The following THSD7B variants were observed in gnomAD, a reference collection of about 807,000 sequenced individuals.
The protein encoded by THSD7B is thrombospondin type-1 domain-containing protein 7B.
In THSD7B, 138 loss-of-function variants were observed where a neutral mutation model predicts 213.6. That is an observed-to-expected ratio of 0.65 (90% CI 0.56 to 0.74). The LOEUF is 0.74. Ranked by LOEUF, THSD7B falls within the 30% of genes least tolerant of loss-of-function variation. THSD7B has a pLI of 0.00. For synonymous variants in THSD7B, 742 were observed against 687.0 expected (o/e 1.08, Z -1.25); for missense variants, 1,931 against 1,991.5 (o/e 0.97, Z 0.58).
intron 15 of THSD7B, among the ~76,000 whole-genome samples, chr2:137,559,506 G>T (rs113531372): frequency 0.038 from 5,741 of 152,246 alleles, 385 homozygotes; most frequent in African/African-American, 0.13. Context: ...AAACTGGCTA[G>T]CCATATGTAG....
At chr2:137,032,139 C>A (rs1686686573) in intron 2 of THSD7B, among the ~76,000 whole-genome samples, 1 of 151,644 alleles carries the variant, frequency 6.6e-6, no homozygotes, top group South Asian at 2.1e-4. Flanking sequence ...CCACACCCAA[C>A]CCATGGCATG....
chr2:137,310,261 T>C (rs1196753937), intron 12 of THSD7B, among the ~76,000 whole-genome samples: 2 of 152,006 alleles, frequency 1.3e-5, no homozygotes, highest in African/African-American at 4.8e-5. Context: ...CCAGTGATGG[T>C]GAGCATTTTT....
chr2:137,490,572 C>T (rs531379880), intron 15 of THSD7B, among the ~76,000 whole-genome samples: 1 of 152,326 alleles, frequency 6.6e-6, no homozygotes, highest in African/African-American at 2.4e-5. Context: ...CAACATCCCC[C>T]ATCAGAGTGC....
At chr2:137,530,635 T>C (rs973306462) in intron 15 of THSD7B, among the ~76,000 whole-genome samples, 1 of 151,812 alleles carries the variant, frequency 6.6e-6, no homozygotes, top group Non-Finnish European at 1.5e-5. Flanking sequence ...GCAGGCAAAA[T>C]TGGAAGTGCT....
intron 1 of THSD7B, among the ~76,000 whole-genome samples, chr2:136,779,041 T>C (rs918056022): frequency 5.3e-5 from 8 of 152,236 alleles, no homozygotes; most frequent in African/African-American, 1.9e-4. Flanking sequence ...TACTTGTGTT[T>C]ATCAGAGCTG....
At chr2:136,918,548 A>G (rs579381) in intron 2 of THSD7B, among the ~76,000 whole-genome samples, 63,880 of 152,054 alleles carry the variant, frequency 0.42, 15,260 homozygotes, top group Non-Finnish European at 0.55. Context: ...GCTGTGGCAA[A>G]TGACAGATTC....
chr2:137,100,248 C>T (rs779105347), intron 4 of THSD7B, among the ~76,000 whole-genome samples: 2 of 152,092 alleles, frequency 1.3e-5, no homozygotes, highest in Non-Finnish European at 1.5e-5. Flanking sequence ...AAACAGAGTG[C>T]TGTGTTGTGA....
chr2:136,846,041 G>A (rs534030500), intron 1 of THSD7B, among the ~76,000 whole-genome samples: 1 of 152,266 alleles, frequency 6.6e-6, no homozygotes, highest in Non-Finnish European at 1.5e-5. Context: ...TCTTGGCTGA[G>A]GGATGACTCC....
intron 18 of THSD7B, among the ~76,000 whole-genome samples, chr2:137,617,810 G>C (rs974900337): frequency 6.6e-5 from 10 of 152,014 alleles, no homozygotes; most frequent in African/African-American, 2.2e-4. Context: ...TCTCTAGACA[G>C]TGCCTTCTAG....
chr2:137,243,536 A>G lies in THSD7B; in HGVS notation c.2266+964A>G, dbSNP rs144702933. On this transcript the variant is annotated intron_variant, in intron 10 of 27. Transcript: ENST00000409968. ...CCAGCCTCCTGGAAGAAGAAAGAAG[A>G]AAGTATGCAGTTCTGCAGAGAAAAA... Among the ~76,000 whole-genome samples, 1,223 of 152,350 alleles carry G rather than the reference A, an allele frequency of 8.0e-3. 5 individuals carry two copies. The highest frequency in any genetic ancestry group is 0.016 in the Admixed American group (250 of 15,308).
At position 136,769,323 on chromosome 2, in the gene THSD7B, C is replaced by T. The variant is rs769087594; in HGVS notation, c.-36+3636C>T. Among the ~76,000 whole-genome samples, 8 of 152,184 alleles carry T rather than the reference C, an allele frequency of 5.3e-5. No homozygotes were observed. In the South Asian group the frequency reaches 8.3e-4, roughly 16 times the overall value. The stretch of plus-strand genomic sequence containing the variant: ...GGGCTAGTTATACAAAATATAGAGA[C>T]GTAGTTATTTTGCCAGGTTATAGTC... On this transcript the variant is annotated intron_variant, in intron 1 of 27. Transcript: ENST00000409968.
intron 2 of THSD7B, among the ~76,000 whole-genome samples, chr2:137,015,900 G>A (rs1686330840): frequency 6.6e-6 from 1 of 152,240 alleles, no homozygotes; most frequent in Non-Finnish European, 1.5e-5. Context: ...CTCGAGAGGA[G>A]GGAGGGCTTA....
chr2:137,176,024 T>G (rs904210659), intron 7 of THSD7B, among the ~76,000 whole-genome samples: 8 of 152,216 alleles, frequency 5.3e-5, no homozygotes, highest in Non-Finnish European at 1.2e-4. Context: ...AAATGCTGCT[T>G]TACTTCTGCT....
chr2:137,406,915 T>C (rs956369629), intron 13 of THSD7B, among the ~76,000 whole-genome samples: 7 of 152,198 alleles, frequency 4.6e-5, no homozygotes, highest in African/African-American at 1.7e-4. Context: ...TGAGATAGAA[T>C]GTATGTGACA....
intron 15 of THSD7B, among the ~76,000 whole-genome samples, chr2:137,553,718 T>C (rs1002776581): frequency 3.3e-5 from 5 of 152,332 alleles, no homozygotes; most frequent in African/African-American, 1.2e-4. Context: ...ATAGATTTCA[T>C]TTAACTTTCC....
intron 2 of THSD7B, among the ~76,000 whole-genome samples, chr2:136,950,029 G>A (rs377214569): frequency 3.8e-4 from 58 of 152,208 alleles, no homozygotes; most frequent in African/African-American, 1.3e-3. Context: ...CGAGGTGAGC[G>A]GATCACGAGG....
At chr2:136,853,021 CAT>C (rs1491169817) in intron 1 of THSD7B, among the ~76,000 whole-genome samples, 2 of 151,828 alleles carry the variant, frequency 1.3e-5, no homozygotes, top group African/African-American at 2.4e-5. Flanking sequence ...CACCACTTTG[CAT>C]GTGTGTGTGT....
chr2:137,376,302 A>G (rs1484629962), intron 12 of THSD7B, among the ~76,000 whole-genome samples: 1 of 152,162 alleles, frequency 6.6e-6, no homozygotes, highest in Non-Finnish European at 1.5e-5. Flanking sequence ...CAGGCTTTTT[A>G]AGAATATTAC....
At position 137,663,370 on chromosome 2, in the gene THSD7B, C is replaced by G. The variant is rs1553467981; in HGVS notation, c.4459-13C>G. 1.3e-6 allele frequency: 2 copies of G among 1,527,626 alleles called. No homozygotes were observed. The highest frequency in any genetic ancestry group is 2.6e-5 in the South Asian group (2 of 77,740). 94.6% of individuals were successfully genotyped at this position (1,527,626 alleles called of 1,614,324 possible). ...CTCACTGTGTAACCATAAAAATATT[C>G]TTTATGCTGTAGGGTGGAGTCTGTG... On this transcript the variant is annotated splice_polypyrimidine_tract_variant and intron_variant, in intron 25 of 27. Transcript: ENST00000409968.
Sources: gnomAD v4.1 joint callset for allele counts (sites outside exome capture counted in the v4.1 genomes callset) on GRCh38, gnomAD v4.1.1 for gene constraint, MANE v1.5 for transcripts, NCBI Gene and HGNC (gene_info 2026-07-23, HGNC 2026-07-21) for gene names.